The following RUNX2 variants were observed in gnomAD, a reference collection of about 807,000 sequenced individuals.
The protein encoded by RUNX2 is runt-related transcription factor 2.
RUNX2 carries 10 observed loss-of-function variants against 51.7 expected under a neutral mutation model. The ratio of observed to expected loss-of-function variants is 0.19; its 90% CI spans 0.12 to 0.33. RUNX2 has a LOEUF of 0.33. RUNX2 is among the 10% of genes least tolerant of loss of function. RUNX2 has a pLI of 1.00. For missense variants in RUNX2, 562 were observed against 691.3 expected, an observed-to-expected ratio of 0.81 and a Z score of 2.10; for synonymous variants, 276 against 273.6, an observed-to-expected ratio of 1.01 and a Z score of -0.09.
intron 7 of RUNX2, chr6:45,513,478 T>A (rs1801226669): frequency 6.6e-6 from 1 of 152,290 alleles, no homozygotes; most frequent in South Asian, 2.1e-4. Flanking sequence ...TCCGCTGAGT[T>A]GCATCACTGA....
chr6:45,495,549 T>A (rs1223282744), intron 6 of RUNX2, among the ~76,000 whole-genome samples: 1 of 152,224 alleles, frequency 6.6e-6, no homozygotes, highest in Admixed American at 6.5e-5. Context: ...TATCTGCATT[T>A]TAGTTCATGT....
intron 5 of RUNX2, among the ~76,000 whole-genome samples, chr6:45,485,697 GTATATA>G (rs10677574): frequency 4.8e-5 from 5 of 104,030 alleles, no homozygotes; most frequent in African/African-American, 1.5e-4. Flanking sequence ...GTGTGTGTGT[GTATATA>G]TATATATATA....
chr6:45,406,048 C>T (rs1174833522), intron 2 of RUNX2, among the ~76,000 whole-genome samples: 2 of 152,148 alleles, frequency 1.3e-5, no homozygotes, highest in Non-Finnish European at 2.9e-5. Context: ...ATATATTCAA[C>T]AACTGTTAGC....
Position 45,422,837 on chromosome 6 carries a change from C to T in RUNX2, c.303C>T (p.Thr101=). 1 of 1,610,340 alleles carries T rather than the reference C, an allele frequency of 6.2e-7. No homozygotes were observed. The highest frequency in any genetic ancestry group is 8.5e-7 in the Non-Finnish European group (1 of 1,179,232). Residue 101 remains threonine, a synonymous_variant, in exon 3 of 9, where the codon ACC becomes ACT. Transcript: ENST00000647337. Reference sequence around the variant, plus strand: ...TGCGGCCGCCCCACGACAACCGCACCATGGTGGAGATCATCGCCGACCACC... The same window carrying T: ...TGCGGCCGCCCCACGACAACCGCACTATGGTGGAGATCATCGCCGACCACC... ...PRLRPPHDNR[T]MVEIIADHPA... is the part of the protein sequence containing the mutation.
intron 2 of RUNX2, among the ~76,000 whole-genome samples, chr6:45,334,899 A>G (rs1327004032): frequency 6.6e-6 from 1 of 151,278 alleles, no homozygotes; most frequent in African/African-American, 2.4e-5. Flanking sequence ...GAATTTCAAG[A>G]CTAAAATAAT....
chr6:45,399,076 G>C (rs1797641713), intron 2 of RUNX2, among the ~76,000 whole-genome samples: 1 of 151,934 alleles, frequency 6.6e-6, no homozygotes, highest in South Asian at 2.1e-4. Context: ...TGAGTTGCTG[G>C]GACTCAATTA....
intron 5 of RUNX2, among the ~76,000 whole-genome samples, chr6:45,443,146 A>C (rs1798891030): frequency 6.8e-6 from 1 of 146,398 alleles, no homozygotes; most frequent in African/African-American, 2.5e-5. Flanking sequence ...TCCTGGGCTC[A>C]AGTGATCCAT....
intron 3 of RUNX2, among the ~76,000 whole-genome samples, chr6:45,423,626 G>C (rs551542021): frequency 6.6e-6 from 1 of 152,354 alleles, no homozygotes; most frequent in East Asian, 1.9e-4. Flanking sequence ...TGCTGACTGA[G>C]GCGCGCGGGC....
chr6:45,532,162 A>ATTTTT (rs3055521), intron 7 of RUNX2, among the ~76,000 whole-genome samples: 32 of 85,130 alleles, frequency 3.8e-4, no homozygotes, highest in Non-Finnish European at 4.6e-4. Flanking sequence ...GAAAACCTAG[A>ATTTTT]TTTTTTTTTT....
rs190555595 is a variant in RUNX2 at position 45,541,310 on chromosome 6, G to A, written c.1022-3907G>A. Reference sequence around the variant, plus strand: ...AGCTAATAATTCAATAAGGGAGTGAGTAAGGGTCCAAAAGAGTGATATAGA... The same window carrying A: ...AGCTAATAATTCAATAAGGGAGTGAATAAGGGTCCAAAAGAGTGATATAGA... On this transcript the variant is annotated intron_variant, in intron 7 of 8. Coordinates refer to ENST00000647337, the MANE Select transcript of RUNX2 (RefSeq NM_001024630.4). Among the ~76,000 whole-genome samples, 23 of 152,290 alleles carry A rather than the reference G, an allele frequency of 1.5e-4. No individual in the cohort carries two copies. The East Asian group carries it at 3.7e-3, about 24-fold the overall frequency.
chr6:45,450,614 T>C (rs1273220354), intron 5 of RUNX2, among the ~76,000 whole-genome samples: 1 of 152,136 alleles, frequency 6.6e-6, no homozygotes, highest in Non-Finnish European at 1.5e-5. Flanking sequence ...GGGAACAGGA[T>C]GGAACCTATT....
At chr6:45,488,447 A>G (rs1051603924) in intron 5 of RUNX2, among the ~76,000 whole-genome samples, 4 of 152,196 alleles carry the variant, frequency 2.6e-5, no homozygotes, top group African/African-American at 9.7e-5. Context: ...GGAACTCAAG[A>G]CAGAGGTCAG....
intron 5 of RUNX2, among the ~76,000 whole-genome samples, chr6:45,450,055 G>A (rs892398641): frequency 1.5e-4 from 23 of 152,278 alleles, no homozygotes; most frequent in Non-Finnish European, 2.9e-4. Flanking sequence ...ACAGAAGTTG[G>A]GGAAATAACA....
chr6:45,478,638 ATGTGTGTG>A (rs35909968), intron 5 of RUNX2, among the ~76,000 whole-genome samples: 4 of 149,450 alleles, frequency 2.7e-5, no homozygotes, highest in Admixed American at 6.6e-5. Context: ...TTGTGTGTAA[ATGTGTGTG>A]TGTGTGTGTG....
rs540227168 is a variant in RUNX2, at chr6:45,424,071, C to T, written c.423+1114C>T. On this transcript the variant is annotated intron_variant, in intron 3 of 8. Transcript: ENST00000647337. ...GGTGGTGAGAGGCTCCTGCTGGTGG[C>T]CTGAGCACGGAGTGAGCTCGAAGGC... 2.6e-5 allele frequency among the ~76,000 whole-genome samples: 4 copies of T among 152,398 alleles called. No individual in the cohort carries two copies. The South Asian group carries it at 8.3e-4, about 32-fold the overall frequency.
At chr6:45,399,549 G>A (rs1306442209) in intron 2 of RUNX2, among the ~76,000 whole-genome samples, 1 of 151,258 alleles carries the variant, frequency 6.6e-6, no homozygotes, top group Non-Finnish European at 1.5e-5. Flanking sequence ...TAGTAGAGAC[G>A]GGGTTTCACC....
At chr6:45,388,615 T>C (rs975813151) in intron 2 of RUNX2, among the ~76,000 whole-genome samples, 5 of 152,210 alleles carry the variant, frequency 3.3e-5, no homozygotes, top group Admixed American at 1.3e-4. Flanking sequence ...CTCCTCCAAC[T>C]AGCAAGCAAT....
chr6:45,431,546 C>T (rs1284648540), intron 3 of RUNX2, among the ~76,000 whole-genome samples: 9 of 152,130 alleles, frequency 5.9e-5, no homozygotes, highest in African/African-American at 1.4e-4. Flanking sequence ...ATGGGGCATC[C>T]CTCTTCCTTC....
chr6:45,412,040 TA>T (rs1434769667), intron 2 of RUNX2, among the ~76,000 whole-genome samples: 1 of 152,012 alleles, frequency 6.6e-6, no homozygotes. Context: ...AATGTTGAGG[TA>T]AAAATCCGAA....
Sources: allele counts gnomAD v4.1 joint callset (sites outside exome capture counted in the v4.1 genomes callset), GRCh38; gene constraint gnomAD v4.1.1; transcripts MANE v1.5; gene names NCBI Gene and HGNC (gene_info 2026-07-23, HGNC 2026-07-21).